CMSS1: variants seen among roughly 807,000 people sequenced by gnomAD.
The protein encoded by CMSS1 is protein CMSS1.
Under a neutral mutation model 43.5 loss-of-function variants are expected in CMSS1, and 33 were observed. That is an observed-to-expected ratio of 0.76 (90% CI 0.57 to 1.01). The LOEUF is 1.01. Ranked by LOEUF, CMSS1 falls within the 50% of genes least tolerant of loss-of-function variation. CMSS1 has a pLI of 0.00. For synonymous variants in CMSS1, 115 were observed against 117.2 expected (o/e 0.98, Z 0.12); for missense variants, 313 against 326.4 (o/e 0.96, Z 0.32).
rs529097653 is a variant in CMSS1, at chr3:100,141,358, G to T, written c.65-5615G>T. On this transcript the variant is annotated intron_variant, in intron 1 of 9. Transcript: ENST00000421999. ...TATGTGCAACTAGCTTCCTCTAAAT[G>T]GATCCCCAAAAATGCTCCCAGCCAT... is the stretch of plus-strand genomic sequence containing the variant. 4.6e-5 allele frequency among the ~76,000 whole-genome samples: 7 copies of T among 152,284 alleles called. No homozygotes were observed. The South Asian group carries it at 1.2e-3, about 27-fold the overall frequency.
intron 1 of CMSS1, among the ~76,000 whole-genome samples, chr3:100,086,364 T>C (rs931381021): frequency 4.6e-5 from 7 of 152,186 alleles, no homozygotes; most frequent in African/African-American, 1.7e-4. Flanking sequence ...CAAGTATTAC[T>C]ACTGAGAAAT....
chr3:99,974,581 C>T (rs908066161), intron 1 of CMSS1, among the ~76,000 whole-genome samples: 2 of 152,054 alleles, frequency 1.3e-5, no homozygotes, highest in Non-Finnish European at 2.9e-5. Flanking sequence ...GTGGTGTGTG[C>T]CTGTAATCCC....
intron 1 of CMSS1, among the ~76,000 whole-genome samples, chr3:99,871,067 G>A (rs1305334701): frequency 6.6e-6 from 1 of 152,196 alleles, no homozygotes; most frequent in Non-Finnish European, 1.5e-5. Context: ...GGGCAGAAAA[G>A]CATCTGACTT....
chr3:99,842,261 C>T (rs1286853356), intron 1 of CMSS1, among the ~76,000 whole-genome samples: 1 of 152,132 alleles, frequency 6.6e-6, no homozygotes, highest in Non-Finnish European at 1.5e-5. Context: ...TATGTTCTCA[C>T]TCATAAGGAG....
intron 1 of CMSS1, among the ~76,000 whole-genome samples, chr3:100,098,304 A>T (rs1444166962): frequency 1.3e-5 from 2 of 152,232 alleles, no homozygotes; most frequent in African/African-American, 4.8e-5. Context: ...ACTGTGTTTT[A>T]GAGTGAAAAA....
chr3:100,034,937 A>G (rs977371682), intron 1 of CMSS1, among the ~76,000 whole-genome samples: 4 of 152,176 alleles, frequency 2.6e-5, no homozygotes, highest in African/African-American at 4.8e-5. Context: ...TGTTTTGACT[A>G]TCAGTTGTTT....
intron 1 of CMSS1, among the ~76,000 whole-genome samples, chr3:99,939,853 G>C (rs1350020092): frequency 6.6e-6 from 1 of 152,118 alleles, no homozygotes; most frequent in Non-Finnish European, 1.5e-5. Flanking sequence ...ACAAACAGTG[G>C]ACCACAGATA....
At chr3:99,995,843 A>C (rs1709662533) in intron 1 of CMSS1, among the ~76,000 whole-genome samples, 1 of 152,194 alleles carries the variant, frequency 6.6e-6, no homozygotes. Flanking sequence ...CAGGGCACCA[A>C]GTCCCTGGGC....
At chr3:99,939,579 G>A (rs1276559798) in intron 1 of CMSS1, among the ~76,000 whole-genome samples, 2 of 152,160 alleles carry the variant, frequency 1.3e-5, no homozygotes. Context: ...CACAACTAAA[G>A]CAGTGAATTG....
In CMSS1 at chr3:99,833,219, C is replaced by A. The variant is rs778534466; in HGVS notation, c.64+15176C>A. The A allele has an allele frequency of 2.5e-6, 4 of 1,609,828 alleles. No homozygotes were observed. In the Admixed American group the frequency reaches 6.7e-5, roughly 27 times the overall value. ...CTGGGATTTGGAATGCCTTAAAAGT[C>A]TGAAGGATGTTGAGTTCAATGAGGC... is the stretch of plus-strand genomic sequence containing the variant. On this transcript the variant is annotated intron_variant, in intron 1 of 9. Transcript: ENST00000421999.
intron 2 of CMSS1, among the ~76,000 whole-genome samples, chr3:100,150,673 T>G (rs2066899604): frequency 6.6e-6 from 1 of 152,198 alleles, no homozygotes; most frequent in South Asian, 2.1e-4. Context: ...CACATCTAAA[T>G]AATCATCCTT....
At position 99,981,640 on chromosome 3, in the gene CMSS1, A is replaced by G. The variant is rs188689103; in HGVS notation, c.64+163597A>G. Among the ~76,000 whole-genome samples the G allele has an allele frequency of 2.7e-3, 405 of 152,304 alleles. 2 individuals are homozygous for G. The highest frequency in any genetic ancestry group is 5.1e-3 in the Non-Finnish European group (349 of 68,026). The stretch of plus-strand genomic sequence containing the variant: ...TCCCCGTTTTGCAAGTGGAAAATTG[A>G]CAGTTTCAATAACTTGTCCAACATT... On this transcript the variant is annotated intron_variant, in intron 1 of 9. Coordinates refer to ENST00000421999, the MANE Select transcript of CMSS1 (RefSeq NM_032359.4).
chr3:99,825,769 CTTTTTCTTTTTTTT>C (rs1036194329), intron 1 of CMSS1, among the ~76,000 whole-genome samples: 1 of 139,668 alleles, frequency 7.2e-6, no homozygotes, highest in African/African-American at 2.6e-5. Flanking sequence ...TTCTTTTTTT[CTTTTTCTTTTTTTT>C]TTTTTTTTTT....
At position 100,076,590 on chromosome 3, in the gene CMSS1, G is replaced by A. The variant is rs151033550; in HGVS notation, c.65-70383G>A. Among the ~76,000 whole-genome samples, 675 of 152,280 alleles carry A rather than the reference G, an allele frequency of 4.4e-3. 7 individuals carry two copies. Among genetic ancestry groups the A allele is most frequent in the African/African-American group, 0.016 (661 of 41,542 alleles). ...CATCCCCACTGAATGTCAGTCTTCT[G>A]AGTTATTTTTTCCTGGATACTTGTA... On this transcript the variant is annotated intron_variant, in intron 1 of 9. Transcript: ENST00000421999.
chr3:99,902,561 C>A (rs1193113011), intron 1 of CMSS1, among the ~76,000 whole-genome samples: 1 of 152,152 alleles, frequency 6.6e-6, no homozygotes, highest in African/African-American at 2.4e-5. Context: ...GTAATTCAAA[C>A]TATATCTGAA....
chr3:100,060,177 G>A (rs2065537268), intron 1 of CMSS1, among the ~76,000 whole-genome samples: 1 of 152,092 alleles, frequency 6.6e-6, no homozygotes, highest in Admixed American at 6.5e-5. Context: ...TGAAGAGGTT[G>A]AGATTTACTT....
intron 1 of CMSS1, among the ~76,000 whole-genome samples, chr3:99,867,134 A>G (rs559457316): frequency 6.6e-6 from 1 of 152,348 alleles, no homozygotes; most frequent in South Asian, 2.1e-4. Flanking sequence ...TAATTCCATC[A>G]AAATATGACA....
intron 1 of CMSS1, among the ~76,000 whole-genome samples, chr3:99,902,113 CTAAG>C (rs1321241268): frequency 6.6e-6 from 1 of 152,040 alleles, no homozygotes; most frequent in Non-Finnish European, 1.5e-5. Flanking sequence ...CACTGACCTC[CTAAG>C]TAATAGAAAT....
At chr3:100,087,038 C>T (rs1257642854) in intron 1 of CMSS1, among the ~76,000 whole-genome samples, 3 of 152,174 alleles carry the variant, frequency 2.0e-5, no homozygotes, top group Non-Finnish European at 2.9e-5. Context: ...ACAGTTTGTT[C>T]CTTTTTGCTG....
Sources: gnomAD v4.1 joint callset for allele counts (sites outside exome capture counted in the v4.1 genomes callset) on GRCh38, gnomAD v4.1.1 for gene constraint, MANE v1.5 for transcripts, NCBI Gene and HGNC (gene_info 2026-07-23, HGNC 2026-07-21) for gene names.